BCR: variants seen among roughly 807,000 people sequenced by gnomAD.
The protein encoded by BCR is breakpoint cluster region protein.
Under a neutral mutation model 138.6 loss-of-function variants are expected in BCR, and 58 were observed. That is an observed-to-expected ratio of 0.42 (90% CI 0.34 to 0.52). BCR has a LOEUF of 0.52. BCR is among the 20% of genes least tolerant of loss of function. BCR has a pLI of 0.06. For missense variants in BCR, 1,599 were observed against 1,727.2 expected (o/e 0.93, Z 1.32); for synonymous variants, 786 against 730.1 (o/e 1.08, Z -1.23).
At chr22:23,222,100 A>G (rs999773509) in intron 1 of BCR, among the ~76,000 whole-genome samples, 1 of 151,364 alleles carries the variant, frequency 6.6e-6, no homozygotes, top group Non-Finnish European at 1.5e-5. Context: ...CAAAAAACAA[A>G]AAAAAGAGAG....
At chr22:23,184,699 G>A (rs1007173449) in intron 1 of BCR, among the ~76,000 whole-genome samples, 1 of 152,154 alleles carries the variant, frequency 6.6e-6, no homozygotes, top group Non-Finnish European at 1.5e-5. Context: ...CAGTCTATGA[G>A]TTTGGATCCT....
chr22:23,186,391 G>T (rs972574130), intron 1 of BCR, among the ~76,000 whole-genome samples: 1 of 152,084 alleles, frequency 6.6e-6, no homozygotes, highest in South Asian at 2.1e-4. Flanking sequence ...TTTGGGTAAG[G>T]CCAGTCAAGT....
intron 1 of BCR, among the ~76,000 whole-genome samples, chr22:23,202,503 A>G (rs746781657): frequency 6.6e-6 from 1 of 152,158 alleles, no homozygotes; most frequent in Admixed American, 6.6e-5. Context: ...ATTTCCACCC[A>G]TTAAAGAACA....
rs1288831062 is a variant in BCR, at chr22:23,181,765, C to G, written c.805C>G (p.Pro269Ala). 1 of 1,605,962 alleles carries G rather than the reference C, an allele frequency of 6.2e-7. No individual in the cohort carries two copies. Among genetic ancestry groups the G allele is most frequent in the Non-Finnish European group, 8.5e-7 (1 of 1,179,982 alleles). The change falls in exon 1 of 23, where the codon CCC (proline) becomes GCC (alanine). Residue 269 changes from proline (P) to alanine (A), a missense_variant. Pro to Ala is a conservative substitution (Grantham distance 27). Transcript: ENST00000305877. ...GATCGACGCCAATGGCGGTAGCAGG[C>G]CCCCTTGGCCGCCCCTGGAGTACCA... Reference protein sequence around the residue: ...NLIDANGGSRPPWPPLEYQPY... With the variant: ...NLIDANGGSRAPWPPLEYQPY...
chr22:23,255,745 C>T (rs563283492), intron 2 of BCR, among the ~76,000 whole-genome samples: 1 of 152,302 alleles, frequency 6.6e-6, no homozygotes, highest in South Asian at 2.1e-4. Context: ...AGGGCTTCTC[C>T]TCTGTGAAGC....
intron 1 of BCR, among the ~76,000 whole-genome samples, chr22:23,225,682 G>A (rs1568942206): frequency 6.6e-6 from 1 of 152,186 alleles, no homozygotes; most frequent in Non-Finnish European, 1.5e-5. Flanking sequence ...AGGGTGATGG[G>A]GTAGAATCAC....
At chr22:23,305,386 T>C (rs2073946268) in intron 16 of BCR, among the ~76,000 whole-genome samples, 2 of 152,202 alleles carry the variant, frequency 1.3e-5, no homozygotes, top group African/African-American at 4.8e-5. Flanking sequence ...CATTTCCTCC[T>C]TTGGAAGGTT....
chr22:23,204,381 T>TCC (rs1348020659), intron 1 of BCR, among the ~76,000 whole-genome samples: 1 of 145,478 alleles, frequency 6.9e-6, no homozygotes, highest in African/African-American at 2.9e-5. Flanking sequence ...ATTTTTAAGA[T>TCC]CCGTTAGTTT....
intron 10 of BCR, among the ~76,000 whole-genome samples, chr22:23,286,249 TA>T (rs2073711062): frequency 6.6e-6 from 1 of 152,252 alleles, no homozygotes; most frequent in African/African-American, 2.4e-5. Context: ...TTGAAGACTG[TA>T]AAAATGGTGA....
chr22:23,296,105 G>C (rs2073841934), intron 16 of BCR, among the ~76,000 whole-genome samples: 1 of 116 alleles, frequency 8.6e-3, no homozygotes, highest in Non-Finnish European at 0.017. Context: ...GCTGGGCGTG[G>C]TGCTCACGCC....
chr22:23,285,255 C>T (rs1249789839), intron 10 of BCR, 54 bp downstream of exon 10: 2 of 1,546,320 alleles, frequency 1.3e-6, no homozygotes, highest in Non-Finnish European at 1.8e-6. Flanking sequence ...TGGCAGCAGC[C>T]CCCGCACACG....
At chr22:23,276,177 A>G (rs1279551351) in intron 8 of BCR, among the ~76,000 whole-genome samples, 2 of 152,122 alleles carry the variant, frequency 1.3e-5, no homozygotes, top group Non-Finnish European at 2.9e-5. Flanking sequence ...AGGCAGGCGG[A>G]TCACCAGGTC....
intron 2 of BCR, among the ~76,000 whole-genome samples, chr22:23,258,260 CCA>C (rs140501): frequency 0.17 from 26,390 of 152,084 alleles, 2,667 homozygotes; most frequent in South Asian, 0.27. Flanking sequence ...AAAAGGTGGC[CCA>C]GGAAGGCTTT....
At chr22:23,252,623 G>GT (rs2073244007) in intron 1 of BCR, among the ~76,000 whole-genome samples, 4 of 278 alleles carry the variant, frequency 0.014, no homozygotes, top group Non-Finnish European at 0.027. Context: ...GTAGAGATGG[G>GT]GTTCACCATA....
intron 1 of BCR, among the ~76,000 whole-genome samples, chr22:23,231,234 G>C (rs749930058): frequency 2.0e-5 from 3 of 152,088 alleles, no homozygotes; most frequent in Non-Finnish European, 2.9e-5. Flanking sequence ...TTAGACCAGG[G>C]CATGGTGGCT....
chr22:23,233,516 G>A (rs1371318989), intron 1 of BCR, among the ~76,000 whole-genome samples: 2 of 152,200 alleles, frequency 1.3e-5, no homozygotes, highest in African/African-American at 2.4e-5. Context: ...GGCCAGGCAT[G>A]GAGGCTCGTG....
intron 17 of BCR, chr22:23,309,997 G>T: frequency 2.4e-6 from 1 of 409,044 alleles, no homozygotes; most frequent in South Asian, 2.2e-5. Context: ...GGAGTCTGAG[G>T]CAGGAGAATC....
At chr22:23,236,913 C>T (rs536806012) in intron 1 of BCR, among the ~76,000 whole-genome samples, 90 of 152,208 alleles carry the variant, frequency 5.9e-4, no homozygotes, top group Non-Finnish European at 1.0e-3. Flanking sequence ...CTGGCTCTGG[C>T]AGGGGGTAGC....
At chr22:23,274,360 C>T (rs2073547205) in intron 8 of BCR, among the ~76,000 whole-genome samples, 1 of 152,204 alleles carries the variant, frequency 6.6e-6, no homozygotes, top group South Asian at 2.1e-4. Flanking sequence ...ATGGCCTGTG[C>T]CTGTGCCGCT....
Sources: allele counts gnomAD v4.1 joint callset (sites outside exome capture counted in the v4.1 genomes callset), GRCh38; gene constraint gnomAD v4.1.1; transcripts MANE v1.5; gene names NCBI Gene and HGNC (gene_info 2026-07-23, HGNC 2026-07-21).